Variants in CELF2 observed in about 807,000 individuals in gnomAD.
The protein encoded by CELF2 is CUG triplet repeat RNA-binding protein 2.
A neutral mutation model predicts 62.6 loss-of-function variants in CELF2; 8 were observed. That is an observed-to-expected ratio of 0.13 (90% CI 0.07 to 0.23). CELF2 has a LOEUF of 0.23. Ranked by LOEUF, CELF2 falls within the 10% of genes least tolerant of loss-of-function variation. The probability of loss-of-function intolerance (pLI) is 1.00; values close to 1 mark genes in which losing one functional copy is unlikely to be tolerated. For synonymous variants in CELF2, 258 were observed against 250.0 expected, an observed-to-expected ratio of 1.03 and a Z score of -0.30; for missense variants, 333 against 671.0, an observed-to-expected ratio of 0.50 and a Z score of 5.56.
At chr10:10,632,923 C>T in the CELF2 span, among the ~76,000 whole-genome samples, 3 of 152,200 alleles carry the variant, frequency 2.0e-5, no homozygotes, top group East Asian at 1.9e-4. Flanking sequence ...CTGGGCTTTA[C>T]ATTTCACAGT....
At chr10:11,218,409 C>G (rs1053371024) in intron 3 of CELF2, among the ~76,000 whole-genome samples, 5 of 152,202 alleles carry the variant, frequency 3.3e-5, no homozygotes, top group African/African-American at 1.2e-4. Context: ...TCTCTGAACG[C>G]ATACACAAAC....
At chr10:11,208,193 G>A (rs979403171) in intron 2 of CELF2, among the ~76,000 whole-genome samples, 1 of 152,114 alleles carries the variant, frequency 6.6e-6, no homozygotes, top group Admixed American at 6.5e-5. Flanking sequence ...GGAGGGTGTG[G>A]GGAGTTAGGC....
intron 1 of CELF2, among the ~76,000 whole-genome samples, chr10:11,032,454 T>A (rs1453624879): frequency 6.6e-6 from 1 of 152,164 alleles, no homozygotes; most frequent in East Asian, 1.9e-4. Context: ...AATAAGAGAA[T>A]CTGACATGTT....
At chr10:11,095,736 C>T (rs12219086) in intron 1 of CELF2, among the ~76,000 whole-genome samples, 6,924 of 152,212 alleles carry the variant, frequency 0.045, 182 homozygotes, top group Middle Eastern at 0.11. Flanking sequence ...GTGCTCCCCA[C>T]TAGGAGAAGC....
the CELF2 span, among the ~76,000 whole-genome samples, chr10:10,647,588 A>G: frequency 6.0e-3 from 921 of 152,282 alleles, 8 homozygotes; most frequent in African/African-American, 0.021. Context: ...AGCGCTCTGC[A>G]TTTTACATGG....
the CELF2 span, among the ~76,000 whole-genome samples, chr10:10,686,022 G>A: frequency 6.6e-6 from 1 of 152,066 alleles, no homozygotes; most frequent in Non-Finnish European, 1.5e-5. Flanking sequence ...TGGCAGCTAC[G>A]CAAACCGCAC....
the CELF2 span, among the ~76,000 whole-genome samples, chr10:10,480,071 T>G: frequency 6.6e-6 from 1 of 152,204 alleles, no homozygotes; most frequent in Non-Finnish European, 1.5e-5. Context: ...TGAATCTGAC[T>G]TCAGCGGGTC....
chr10:10,543,045 C>T, the CELF2 span, among the ~76,000 whole-genome samples: 2 of 152,186 alleles, frequency 1.3e-5, no homozygotes, highest in Admixed American at 6.5e-5. Flanking sequence ...AGAGTCCTCC[C>T]AGCTGATTGC....
chr10:11,087,710 T>C (rs1449255852), intron 1 of CELF2, among the ~76,000 whole-genome samples: 5 of 152,230 alleles, frequency 3.3e-5, no homozygotes, highest in Non-Finnish European at 4.4e-5. Flanking sequence ...CATCGTCTTA[T>C]AACACACGCC....
intron 1 of CELF2, among the ~76,000 whole-genome samples, chr10:11,115,225 A>G (rs2056284818): frequency 6.6e-6 from 1 of 152,262 alleles, no homozygotes; most frequent in African/African-American, 2.4e-5. Flanking sequence ...TTTGATTGGT[A>G]ACACTGATTC....
At chr10:10,789,514 A>G in the CELF2 span, among the ~76,000 whole-genome samples, 5 of 152,196 alleles carry the variant, frequency 3.3e-5, no homozygotes, top group African/African-American at 1.2e-4. Flanking sequence ...GTCAAATATA[A>G]CATTGTTTTT....
At chr10:10,586,331 C>T in the CELF2 span, among the ~76,000 whole-genome samples, 1 of 152,070 alleles carries the variant, frequency 6.6e-6, no homozygotes, top group Non-Finnish European at 1.5e-5. Context: ...ATGTTTGACC[C>T]TCTAGGAGAC....
At chr10:10,634,907 T>C in the CELF2 span, among the ~76,000 whole-genome samples, 1 of 152,134 alleles carries the variant, frequency 6.6e-6, no homozygotes, top group Non-Finnish European at 1.5e-5. Flanking sequence ...CCAGCCAAAG[T>C]CTGCTGTGGG....
intron 2 of CELF2, among the ~76,000 whole-genome samples, chr10:11,166,852 G>T (rs2067370640): frequency 6.6e-6 from 1 of 152,246 alleles, no homozygotes; most frequent in African/African-American, 2.4e-5. Context: ...GTGACTCCGA[G>T]AAATTTTGGG....
Position 10,868,773 on chromosome 10 carries a change from T to A in CELF2, c.54-51191T>A, listed in dbSNP as rs751388760. 5.8e-4 allele frequency among the ~76,000 whole-genome samples: 88 copies of A among 152,238 alleles called. 1 individual carries two copies. The highest frequency in any genetic ancestry group is 6.6e-4 in the Non-Finnish European group (45 of 68,042). ...GGTACAGAAATCAATGGATGTATCA[T>A]TTGTGATATGTATACTTTTTTCTAC... On this transcript the variant is annotated intron_variant, in intron 1 of 13. Transcript: ENST00000636488.
chr10:11,253,639 G>A (rs9424131), intron 4 of CELF2, among the ~76,000 whole-genome samples: 3,808 of 152,186 alleles, frequency 0.025, 130 homozygotes, highest in African/African-American at 0.075. Context: ...GGGTGTTAGC[G>A]CAGACTTACA....
At chr10:10,790,134 G>A in the CELF2 span, among the ~76,000 whole-genome samples, 15 of 152,032 alleles carry the variant, frequency 9.9e-5, no homozygotes, top group South Asian at 4.1e-4. Flanking sequence ...CCTCCACAGC[G>A]TTCTTGTAAT....
chr10:10,491,774 A>G, the CELF2 span, among the ~76,000 whole-genome samples: 1 of 152,218 alleles, frequency 6.6e-6, no homozygotes, highest in African/African-American at 2.4e-5. Flanking sequence ...AGCTGGTGCC[A>G]GTAACCAGCT....
chr10:11,194,430 T>A (rs1454252062), intron 2 of CELF2, among the ~76,000 whole-genome samples: 1 of 152,204 alleles, frequency 6.6e-6, no homozygotes, highest in African/African-American at 2.4e-5. Flanking sequence ...AATTTTTAAA[T>A]GAAAACATTG....
Sources: allele counts gnomAD v4.1 joint callset (sites outside exome capture counted in the v4.1 genomes callset), GRCh38; gene constraint gnomAD v4.1.1; transcripts MANE v1.5; gene names NCBI Gene and HGNC (gene_info 2026-07-23, HGNC 2026-07-21).